Variants in ST8SIA1 observed in about 807,000 individuals in gnomAD.
The protein encoded by ST8SIA1 is alpha-N-acetylneuraminide alpha-2,8-sialyltransferase.
A neutral mutation model predicts 35.9 loss-of-function variants in ST8SIA1; 16 were observed. The ratio of observed to expected loss-of-function variants is 0.45; its 90% CI spans 0.30 to 0.68. The LOEUF (loss-of-function observed/expected upper bound fraction) is 0.68. ST8SIA1 is among the 30% of genes least tolerant of loss of function. The pLI, the probability that ST8SIA1 is intolerant of heterozygous loss-of-function variation, is 0.09. For missense variants in ST8SIA1, 383 were observed against 453.6 expected (o/e 0.84, Z 1.41); for synonymous variants, 170 against 169.6 (o/e 1.00, Z -0.02).
chr12:22,300,533 G>A (rs1007907776), intron 1 of ST8SIA1, among the ~76,000 whole-genome samples: 1 of 152,144 alleles, frequency 6.6e-6, no homozygotes, highest in African/African-American at 2.4e-5. Flanking sequence ...GCTTATTGAA[G>A]TTATATCTCA....
intron 3 of ST8SIA1, among the ~76,000 whole-genome samples, 173 bp from the exon 4 acceptor site, chr12:22,249,271 T>G (rs1865639768): frequency 6.8e-6 from 1 of 148,024 alleles, no homozygotes; most frequent in African/African-American, 2.5e-5. Flanking sequence ...CAGGCTGGAG[T>G]ACAGTGGTGT....
chr12:22,236,553 G>C (rs552641734), intron 4 of ST8SIA1, among the ~76,000 whole-genome samples: 3 of 152,160 alleles, frequency 2.0e-5, no homozygotes, highest in South Asian at 2.1e-4. Context: ...GGTACAAATT[G>C]TTGGCCCAGT....
intron 4 of ST8SIA1, among the ~76,000 whole-genome samples, chr12:22,238,286 G>C (rs55716137): frequency 0.033 from 4,960 of 152,254 alleles, 222 homozygotes; most frequent in South Asian, 0.15. Flanking sequence ...CCCATGTAAG[G>C]CTATTAAAAC....
chr12:22,288,767 G>A (rs1295589432), intron 1 of ST8SIA1, among the ~76,000 whole-genome samples: 1 of 152,150 alleles, frequency 6.6e-6, no homozygotes, highest in Admixed American at 6.5e-5. Flanking sequence ...TTGCTCCTAC[G>A]CTGGCCCTCC....
chr12:22,217,390 G>A (rs578141616), intron 4 of ST8SIA1, among the ~76,000 whole-genome samples: 6 of 152,208 alleles, frequency 3.9e-5, no homozygotes, highest in Admixed American at 6.5e-5. Flanking sequence ...AGATGATGGC[G>A]TAAAGCAACA....
chr12:22,267,439 C>A (rs770604748), intron 2 of ST8SIA1, among the ~76,000 whole-genome samples: 1 of 152,170 alleles, frequency 6.6e-6, no homozygotes, highest in Non-Finnish European at 1.5e-5. Flanking sequence ...GAATAACTGG[C>A]TGCTGCTGAT....
At chr12:22,307,839 A>G (rs1228231053) in intron 1 of ST8SIA1, among the ~76,000 whole-genome samples, 1 of 152,202 alleles carries the variant, frequency 6.6e-6, no homozygotes, top group Non-Finnish European at 1.5e-5. Flanking sequence ...GGATCAGAAA[A>G]TCATAAGCCA....
In ST8SIA1 at chr12:22,199,378, C is replaced by T. The variant is rs1475657795; in HGVS notation, c.*2174G>A. The T allele has an allele frequency of 2.0e-5, 3 of 151,802 alleles. No individual in the cohort carries two copies. The highest frequency in any genetic ancestry group is 2.9e-5 in the Non-Finnish European group (2 of 67,954). The allele number at this position is 151,802 out of a possible 1,614,324, so 9.4% of individuals were successfully genotyped here. A position where few individuals can be genotyped will look rare whatever the true frequency, so the allele number is the denominator to read the frequency against. ...GTAACATTTTATTAACTTTTATATGCGTTTTTGTTAAGCCTTTTATATTTT... is the reference window on the plus strand; with the variant it reads ...GTAACATTTTATTAACTTTTATATGTGTTTTTGTTAAGCCTTTTATATTTT... On this transcript the variant is annotated 3_prime_UTR_variant, in exon 5 of 5. Coordinates refer to ENST00000396037, the MANE Select transcript of ST8SIA1 (RefSeq NM_003034.4).
At position 22,199,734 on chromosome 12, in the gene ST8SIA1, T is replaced by A. The variant is rs1865029672; in HGVS notation, c.*1818A>T. On this transcript the variant is annotated 3_prime_UTR_variant, in exon 5 of 5. Coordinates refer to ENST00000396037, the MANE Select transcript of ST8SIA1 (RefSeq NM_003034.4). ...TAGAATTTTGCCAAGGGCTTTCCTA[T>A]GTTTATGTCATGTTAAATTAACCCA... 1 of 152,236 alleles carries A rather than the reference T, an allele frequency of 6.6e-6. No homozygotes were observed. Among genetic ancestry groups the A allele is most frequent in the South Asian group, 2.1e-4 (1 of 4,832 alleles). The allele number at this position is 152,236 out of a possible 1,614,324, so 9.4% of individuals were successfully genotyped here.
At chr12:22,272,866 G>A (rs741368) in intron 2 of ST8SIA1, among the ~76,000 whole-genome samples, 1 of 152,208 alleles carries the variant, frequency 6.6e-6, no homozygotes, top group African/African-American at 2.4e-5. Context: ...GAGACTGACT[G>A]AGCTGACATC....
rs1307589306 is a variant in ST8SIA1, at chr12:22,334,535, G to A, written c.-303C>T. On this transcript the variant is annotated 5_prime_UTR_variant, in exon 1 of 5. Coordinates refer to ENST00000396037, the MANE Select transcript of ST8SIA1 (RefSeq NM_003034.4). ...TGGGGTCTCCGAGTGCGCAGAGAGC[G>A]GCGGCGGCGAGTCGCTCCCGCCGGT... 9.0e-6 allele frequency: 4 copies of A among 443,746 alleles called. No homozygotes were observed. Among genetic ancestry groups the A allele is most frequent in the Non-Finnish European group, 8.1e-6 (2 of 245,440 alleles). The allele number at this position is 443,746 out of a possible 1,614,324, so 27.5% of individuals were successfully genotyped here.
chr12:22,258,877 C>T (rs957559910), intron 2 of ST8SIA1, among the ~76,000 whole-genome samples: 1 of 152,190 alleles, frequency 6.6e-6, no homozygotes, highest in Non-Finnish European at 1.5e-5. Context: ...GCAACATAGT[C>T]CTAGTTATAA....
intron 2 of ST8SIA1, among the ~76,000 whole-genome samples, chr12:22,265,278 C>T (rs1412341505): frequency 6.6e-6 from 1 of 152,196 alleles, no homozygotes; most frequent in East Asian, 1.9e-4. Context: ...AAAGGTAGGG[C>T]CAATCATCTT....
At chr12:22,239,555 C>A (rs1256962461) in intron 4 of ST8SIA1, among the ~76,000 whole-genome samples, 14 of 152,102 alleles carry the variant, frequency 9.2e-5, no homozygotes, top group Admixed American at 9.2e-4. Flanking sequence ...TTATTGGCTT[C>A]TCATTCTTTT....
intron 1 of ST8SIA1, among the ~76,000 whole-genome samples, chr12:22,314,562 T>A (rs1358036084): frequency 1.3e-5 from 2 of 152,148 alleles, no homozygotes; most frequent in Non-Finnish European, 2.9e-5. Context: ...TCAGTTCTGG[T>A]CCACATTCCA....
At chr12:22,325,859 C>T (rs1304606428) in intron 1 of ST8SIA1, 1 of 701,902 alleles carries the variant, frequency 1.4e-6, no homozygotes, top group Non-Finnish European at 2.6e-6. Flanking sequence ...TCCTTGAACA[C>T]AAGCACGGTG....
intron 4 of ST8SIA1, among the ~76,000 whole-genome samples, chr12:22,246,572 G>T (rs963837133): frequency 5.3e-5 from 8 of 152,278 alleles, no homozygotes; most frequent in African/African-American, 1.7e-4. Flanking sequence ...CCGGTCACTG[G>T]AAAGAGCCAG....
intron 1 of ST8SIA1, among the ~76,000 whole-genome samples, chr12:22,298,256 C>G (rs1280187207): frequency 1.3e-5 from 2 of 152,150 alleles, no homozygotes; most frequent in African/African-American, 4.8e-5. Context: ...TAATCGAACC[C>G]AAGGAGGAGG....
At chr12:22,218,163 A>AAAATAC (rs1208689701) in intron 4 of ST8SIA1, among the ~76,000 whole-genome samples, 1 of 152,040 alleles carries the variant, frequency 6.6e-6, no homozygotes, top group African/African-American at 2.4e-5. Flanking sequence ...ATCTCTACAA[A>AAAATAC]AAATACAAAA....
Sources: allele counts gnomAD v4.1 joint callset (sites outside exome capture counted in the v4.1 genomes callset), GRCh38; gene constraint gnomAD v4.1.1; transcripts MANE v1.5; gene names NCBI Gene and HGNC (gene_info 2026-07-23, HGNC 2026-07-21).